CASK: variants seen among roughly 807,000 people sequenced by gnomAD.
CASK encodes the protein peripheral plasma membrane protein CASK.
In CASK, 4 loss-of-function variants were observed where a neutral mutation model predicts 82.9. That is an observed-to-expected ratio of 0.05 (90% CI 0.02 to 0.11). CASK has a LOEUF of 0.11. Among genes scored for constraint, CASK ranks in the 10% least tolerant of loss-of-function variants. The probability of loss-of-function intolerance (pLI) is 1.00; values close to 1 mark genes in which losing one functional copy is unlikely to be tolerated. For synonymous variants in CASK, 259 were observed against 253.5 expected, an observed-to-expected ratio of 1.02 and a Z score of -0.20; for missense variants, 358 against 720.9, an observed-to-expected ratio of 0.50 and a Z score of 5.76.
rs1319213956 is a variant in CASK, at chrX:41,557,095, A to G, written c.1743T>C (p.Asp581=). ...GGGACTGTCTGGAAGTGGAAGGGGA[A>G]TCTCTCTGAAATAAGACACAAGGTT... ...YRTQSSSCER[D]SPSTSRQSPA... Residue 581 remains aspartate (D), a synonymous_variant, in exon 19 of 27, where the codon GAT becomes GAC. Transcript: ENST00000378163. 8.4e-7 allele frequency: 1 copy of G among 1,196,964 alleles called. No homozygotes were observed. The highest frequency in any genetic ancestry group is 3.0e-5 in the East Asian group (1 of 33,792).
chrX:41,632,889 A>T lies in CASK; in HGVS notation c.915+3689T>A, dbSNP rs184838336. Among the ~76,000 whole-genome samples, 27 of 109,566 alleles carry T rather than the reference A, an allele frequency of 2.5e-4. 1 individual carries two copies. The highest frequency in any genetic ancestry group is 8.6e-4 in the African/African-American group (26 of 30,246). On this transcript the variant is annotated intron_variant, in intron 9 of 26. Transcript: ENST00000378163. ...TGGTGAAATCCCGTCTCTACTAAAA[A>T]TACAAAAATTAGCTGGATGTGGTGG...
chrX:41,848,820 C>T (rs900077862), intron 2 of CASK, among the ~76,000 whole-genome samples: 2 of 111,469 alleles, frequency 1.8e-5, no homozygotes, highest in Non-Finnish European at 3.8e-5. Context: ...AAGGTTACTA[C>T]AGAACTGGAA....
At chrX:41,731,440 C>T (rs2068394901) in intron 5 of CASK, among the ~76,000 whole-genome samples, 1 of 111,569 alleles carries the variant, frequency 9.0e-6, no homozygotes, top group African/African-American at 3.3e-5. Flanking sequence ...ACAAAAAACC[C>T]AAAAAATACA....
At chrX:41,894,658 A>T (rs901256783) in intron 1 of CASK, among the ~76,000 whole-genome samples, 24 of 106,486 alleles carry the variant, frequency 2.3e-4, no homozygotes, top group African/African-American at 8.1e-4. Flanking sequence ...TAGAGAAAGG[A>T]GGTGAAAAGC....
chrX:41,727,249 T>A (rs757053886), intron 5 of CASK: 9 of 1,206,378 alleles, frequency 7.5e-6, no homozygotes, highest in Non-Finnish European at 1.0e-5. Context: ...GAGTATCTAT[T>A]TCCTGAAAGG....
chrX:41,818,102 A>C (rs1305947231), intron 2 of CASK, among the ~76,000 whole-genome samples: 1 of 107,674 alleles, frequency 9.3e-6, no homozygotes, highest in African/African-American at 3.4e-5. Flanking sequence ...GGTGAGGACT[A>C]CCTGTATTCA....
At chrX:41,869,738 G>A (rs1451643408) in intron 1 of CASK, among the ~76,000 whole-genome samples, 1 of 98,638 alleles carries the variant, frequency 1.0e-5, no homozygotes, top group Non-Finnish European at 2.0e-5. Context: ...GCTTGAACCC[G>A]GGAGGCAGAG....
intron 1 of CASK, among the ~76,000 whole-genome samples, chrX:41,869,811 T>TAAAAAAAAAAAAAAA (rs1406071625): frequency 1.9e-4 from 1 of 5,405 alleles, no homozygotes; most frequent in East Asian, 2.6e-3. Flanking sequence ...AGACTCTGTC[T>TAAAAAAAAAAAAAAA]CAAAAAAAAA....
intron 6 of CASK, among the ~76,000 whole-genome samples, chrX:41,670,036 G>A (rs2067175150): frequency 8.9e-6 from 1 of 112,483 alleles, no homozygotes; most frequent in Non-Finnish European, 1.9e-5. Context: ...AGAAGTTACA[G>A]AAAGATGCAA....
rs772118803 is a variant in CASK, at chrX:41,532,183, G to A, written c.2318-974C>T. On this transcript the variant is annotated intron_variant, in intron 24 of 26. Coordinates refer to ENST00000378163, the MANE Select transcript of CASK (RefSeq NM_001367721.1). Reference sequence around the variant, plus strand: ...ACTCCTGACCTCAGGTGATCTGCCCGCCTCAGTCTCCCAAAGTGCTGGGAT... The same window carrying A: ...ACTCCTGACCTCAGGTGATCTGCCCACCTCAGTCTCCCAAAGTGCTGGGAT... Among the ~76,000 whole-genome samples, 6 of 111,906 alleles carry A rather than the reference G, an allele frequency of 5.4e-5. No individual in the cohort carries two copies. In the East Asian group the frequency reaches 1.4e-3, roughly 26 times the overall value.
In CASK at chrX:41,829,627, G is replaced by T. The variant is rs1189907770; in HGVS notation, c.172+23488C>A. On this transcript the variant is annotated intron_variant, in intron 2 of 26. Transcript: ENST00000378163. Reference sequence around the variant, plus strand: ...TTTTGTTTTTTTTTTTTTTGGGGGGGTGGGGGTGAACATATGTTAAGACAT... The same window carrying T: ...TTTTGTTTTTTTTTTTTTTGGGGGGTTGGGGGTGAACATATGTTAAGACAT... 3.9e-4 allele frequency among the ~76,000 whole-genome samples: 4 copies of T among 10,357 alleles called. 1 individual carries two copies. The highest frequency in any genetic ancestry group is 5.4e-4 in the African/African-American group (1 of 1,858). The allele number at this position is 10,357 out of a possible 115,157, so 9.0% of individuals were successfully genotyped here.
At chrX:41,525,845 A>G (rs1358464697) in intron 25 of CASK, among the ~76,000 whole-genome samples, 1 of 111,393 alleles carries the variant, frequency 9.0e-6, no homozygotes, top group African/African-American at 3.3e-5. Flanking sequence ...GTTGGCTTTC[A>G]CTAGGATTAT....
chrX:41,622,719 C>A, intron 10 of CASK, 85 bp from the exon 11 acceptor site: 1 of 768,321 alleles, frequency 1.3e-6, no homozygotes, highest in Non-Finnish European at 1.9e-6. Context: ...CGGCCCACTA[C>A]ATGAGCCACC....
chrX:41,695,328 T>C (rs1209437783), intron 5 of CASK, among the ~76,000 whole-genome samples: 3 of 106,924 alleles, frequency 2.8e-5, no homozygotes, highest in African/African-American at 6.8e-5. Context: ...TTTTTTTTTT[T>C]TTAAAGAGAT....
intron 3 of CASK, among the ~76,000 whole-genome samples, chrX:41,773,456 G>A (rs749328049): frequency 3.9e-4 from 43 of 109,142 alleles, no homozygotes; most frequent in African/African-American, 1.4e-3. Flanking sequence ...TATGTAAAAA[G>A]GATTATGAAG....
intron 8 of CASK, among the ~76,000 whole-genome samples, chrX:41,641,757 T>C (rs746878559): frequency 9.0e-6 from 1 of 111,706 alleles, no homozygotes; most frequent in Non-Finnish European, 1.9e-5. Context: ...TAGTTTTTTT[T>C]ATTATACTTT....
At chrX:41,612,752 G>T (rs1170460415) in intron 11 of CASK, among the ~76,000 whole-genome samples, 48 of 68,624 alleles carry the variant, frequency 7.0e-4, no homozygotes, top group African/African-American at 1.4e-3. Flanking sequence ...GGAGGGAGGT[G>T]GGGGGGGGTC....
intron 15 of CASK, among the ~76,000 whole-genome samples, chrX:41,577,546 T>C (rs1461200496): frequency 8.9e-6 from 1 of 112,021 alleles, no homozygotes; most frequent in African/African-American, 3.2e-5. Flanking sequence ...CCAACACTTG[T>C]ATGATTCTGT....
intron 21 of CASK, among the ~76,000 whole-genome samples, chrX:41,547,097 A>AT (rs779771974): frequency 9.5e-6 from 1 of 105,567 alleles, no homozygotes; most frequent in East Asian, 3.1e-4. Context: ...CGCTCAGCTA[A>AT]TTTTTTTTGT....
Sources: gnomAD v4.1 joint callset for allele counts (sites outside exome capture counted in the v4.1 genomes callset) on GRCh38, gnomAD v4.1.1 for gene constraint, MANE v1.5 for transcripts, NCBI Gene and HGNC (gene_info 2026-07-23, HGNC 2026-07-21) for gene names.